The following H2BC12 variants were observed in gnomAD, a reference collection of about 807,000 sequenced individuals.
H2BC12 encodes histone H2B type 1-K.
Under a neutral mutation model 6.3 loss-of-function variants are expected in H2BC12, and 6 were observed. That is an observed-to-expected ratio of 0.95 (90% CI 0.52 to 1.87). The LOEUF (loss-of-function observed/expected upper bound fraction) is 1.87, where lower values mean the gene tolerates loss of function less well. Ranked by LOEUF, H2BC12 falls within the 40% of genes most tolerant of loss-of-function variation. H2BC12 has a pLI of 0.01. For missense variants in H2BC12, 119 were observed against 178.4 expected, an observed-to-expected ratio of 0.67 and a Z score of 1.90; for synonymous variants, 132 against 78.5, an observed-to-expected ratio of 1.68 and a Z score of -3.60.
At chr6:27,146,319 C>T, downstream of H2BC12, 2 of 1,566,342 alleles carry the variant, frequency 1.3e-6, no homozygotes, top group Middle Eastern at 1.7e-4. Flanking sequence ...GAATTTAAGC[C>T]TGGATTAGGA....
At chr6:27,143,900 C>G (rs1760037582), downstream of H2BC12, among the ~76,000 whole-genome samples, 4 of 142,726 alleles carry the variant, frequency 2.8e-5, no homozygotes, top group Admixed American at 2.8e-4. Context: ...TTAGCACATT[C>G]AACTTTTTAA....
the H2BC12 span, chr6:27,139,500 G>GA: frequency 9.9e-6 from 16 of 1,612,022 alleles, no homozygotes; most frequent in African/African-American, 1.9e-4. Flanking sequence ...TGTTCCTGGA[G>GA]AACGTGATCC....
the H2BC12 span, among the ~76,000 whole-genome samples, chr6:27,140,146 TTAG>T: frequency 8.4e-4 from 128 of 152,266 alleles, no homozygotes; most frequent in Non-Finnish European, 1.5e-3. Flanking sequence ...CTTAAGAGTC[TTAG>T]TAATAATATT....
the H2BC12 span, among the ~76,000 whole-genome samples, chr6:27,140,728 GT>G: frequency 1.1e-3 from 172 of 152,168 alleles, no homozygotes; most frequent in African/African-American, 4.0e-3. Context: ...TGAAATCGGA[GT>G]TTTTCTAAAT....
the H2BC12 span, chr6:27,139,027 T>C: frequency 2.9e-6 from 1 of 348,596 alleles, no homozygotes; most frequent in Admixed American, 4.3e-5. Flanking sequence ...ACATTCTTTT[T>C]GCTTTATGTA....
In H2BC12 at chr6:27,146,794, G is replaced by A. The variant is rs1562029204; in HGVS notation, c.5C>T (p.Pro2Leu). The A allele has an allele frequency of 4.3e-6, 7 of 1,613,900 alleles. No individual in the cohort carries two copies. The highest frequency in any genetic ancestry group is 5.9e-6 in the Non-Finnish European group (7 of 1,179,906). ...CGCGGGAGCGGACTTCGCTGGTTCC[G>A]GCATGTTGAAGGCGAACTACGAGCC... M[P>L]EPAKSAPAPK... Residue 2 changes from proline to leucine, a missense_variant, in exon 1 of 1, where the codon CCG (proline) becomes CTG (leucine). Pro to Leu is a moderately conservative substitution (Grantham distance 98). Transcript: ENST00000356950.
At chr6:27,146,317 G>A (rs1355794299), downstream of H2BC12, 1 of 1,561,158 alleles carries the variant, frequency 6.4e-7, no homozygotes, top group Non-Finnish European at 8.7e-7. Context: ...CCGAATTTAA[G>A]CCTGGATTAG....
downstream of H2BC12, among the ~76,000 whole-genome samples, chr6:27,143,354 AAAAG>A (rs1054108888): frequency 6.7e-6 from 1 of 148,586 alleles, no homozygotes; most frequent in Admixed American, 6.7e-5. Flanking sequence ...TGTCTCAAAA[AAAAG>A]AAAAAAATTT....
At chr6:27,146,354 G>C (rs1039825531), downstream of H2BC12, 4 of 1,607,248 alleles carry the variant, frequency 2.5e-6, no homozygotes, top group Non-Finnish European at 2.5e-6. Context: ...CTCTAATATC[G>C]ATAATTTAAG....
chr6:27,145,635 G>A (rs1247100510), downstream of H2BC12, among the ~76,000 whole-genome samples: 1 of 152,162 alleles, frequency 6.6e-6, no homozygotes, highest in Non-Finnish European at 1.5e-5. Flanking sequence ...TCTCCCCTCT[G>A]AATCTACTTG....
At chr6:27,139,978 G>C in the H2BC12 span, 1 of 220,624 alleles carries the variant, frequency 4.5e-6, no homozygotes, top group African/African-American at 2.3e-5. Flanking sequence ...CTTCAAATAC[G>C]TCTCAGGAGA....
chr6:27,146,517 C>T lies in H2BC12; in HGVS notation c.282G>A (p.Glu94=), dbSNP rs1436724024. 9 of 1,614,250 alleles carry T rather than the reference C, an allele frequency of 5.6e-6. No homozygotes were observed. The highest frequency in any genetic ancestry group is 8.5e-7 in the Non-Finnish European group (1 of 1,180,054). ...GCAGCAGGCGCACGGCCGTCTGGAT[C>T]TCCCTGGAGGTGATGGTCGAGCGCT... ...YNKRSTITSR[E]IQTAVRLLLP... Residue 94 remains glutamate (E), a synonymous_variant, in exon 1 of 1, where the codon GAG becomes GAA. Transcript: ENST00000356950.
At chr6:27,145,102 T>G (rs183634329), downstream of H2BC12, among the ~76,000 whole-genome samples, 99 of 152,284 alleles carry the variant, frequency 6.5e-4, no homozygotes, top group Admixed American at 6.1e-3. Context: ...ATAAATATAA[T>G]TATTTGTTGA....
downstream of H2BC12, among the ~76,000 whole-genome samples, chr6:27,145,803 C>T (rs920463692): frequency 1.3e-5 from 2 of 152,202 alleles, no homozygotes; most frequent in Non-Finnish European, 2.9e-5. Context: ...AAGCTGTGCT[C>T]CTCCCCTTAC....
the H2BC12 span, chr6:27,139,774 CG>C: frequency 7.9e-7 from 1 of 1,263,416 alleles, no homozygotes; most frequent in South Asian, 1.6e-5. Flanking sequence ...AACTCGACGC[CG>C]AAAATGGGCT....
At chr6:27,139,247 G>T in the H2BC12 span, 1 of 1,523,750 alleles carries the variant, frequency 6.6e-7, no homozygotes, top group Middle Eastern at 1.8e-4. Context: ...GTCCGCAGAG[G>T]TTACCCATAA....
downstream of H2BC12, among the ~76,000 whole-genome samples, chr6:27,143,871 TTA>T (rs1491524134): frequency 1.2e-4 from 17 of 143,756 alleles, no homozygotes; most frequent in South Asian, 6.5e-4. Context: ...AAAAAAAAAT[TTA>T]TGAGACAGGA....
the H2BC12 span, chr6:27,139,646 T>C: frequency 1.3e-6 from 2 of 1,583,500 alleles, no homozygotes; most frequent in African/African-American, 1.4e-5. Context: ...CCAGTCATTC[T>C]CTAAAAAGGC....
chr6:27,141,793 A>AAC (rs1358439259), downstream of H2BC12, among the ~76,000 whole-genome samples: 2 of 152,240 alleles, frequency 1.3e-5, no homozygotes, highest in African/African-American at 4.8e-5. Context: ...CAATGGATTA[A>AAC]ACACTCCCTT....
Sources: allele counts gnomAD v4.1 joint callset (sites outside exome capture counted in the v4.1 genomes callset), GRCh38; gene constraint gnomAD v4.1.1; transcripts MANE v1.5; gene names NCBI Gene and HGNC (gene_info 2026-07-23, HGNC 2026-07-21).